ADGRA2: variants seen among roughly 807,000 people sequenced by gnomAD.
The protein encoded by ADGRA2 is adhesion G protein-coupled receptor A2.
ADGRA2 carries 61 observed loss-of-function variants against 98.7 expected under a neutral mutation model. The ratio of observed to expected loss-of-function variants is 0.62; its 90% confidence interval spans 0.50 to 0.76. The LOEUF (loss-of-function observed/expected upper bound fraction) is 0.76, where lower values mean the gene tolerates loss of function less well. Ranked by LOEUF, ADGRA2 falls within the 30% of genes least tolerant of loss-of-function variation. The pLI is 0.00. For synonymous variants in ADGRA2, 858 were observed against 831.5 expected (o/e 1.03, Z -0.55); for missense variants, 1,712 against 1,860.0 (o/e 0.92, Z 1.46).
chr8:37,834,093 G>T lies in ADGRA2; in HGVS notation c.1573G>T (p.Ala525Ser). 6.2e-7 allele frequency: 1 copy of T among 1,612,390 alleles called. No individual in the cohort carries two copies. Among genetic ancestry groups the T allele is most frequent in the Non-Finnish European group, 8.5e-7 (1 of 1,179,808 alleles). Residue 525 changes from alanine to serine, a missense_variant, in exon 11 of 19, where the codon GCC (alanine) becomes TCC (serine). Ala to Ser is a moderately conservative substitution (Grantham distance 99). Coordinates refer to ENST00000412232, the MANE Select transcript of ADGRA2 (RefSeq NM_032777.10). The surrounding 1 kb of genome is among the most constrained non-coding windows in gnomAD (Gnocchi z 4.2). ...IVGALERIGG[A>S]ALSPHAQHIS... ...GGGTGCCCTGGAGCGCATTGGGGGG[G>T]CCGCCCTCAGCCCCCATGCCCAGCA...
chr8:37,839,132 G>T (rs761834913), intron 15 of ADGRA2, 49 bp downstream of exon 15: 2 of 1,607,196 alleles, frequency 1.2e-6, no homozygotes, highest in African/African-American at 1.3e-5. Flanking sequence ...CATGGAAGGG[G>T]CCCCTACCCT....
Position 37,841,025 on chromosome 8 carries a change from G to GCCCCCCGCCCC in ADGRA2, c.2748-56_2748-55insCGCCCCCCCCC. 2 of 1,411,664 alleles carry GCCCCCCGCCCC rather than the reference G, an allele frequency of 1.4e-6. No individual in the cohort carries two copies. Among genetic ancestry groups the GCCCCCCGCCCC allele is most frequent in the Non-Finnish European group, 2.0e-6 (2 of 1,023,662 alleles). 87.4% of individuals were successfully genotyped at this position (1,411,664 alleles called of 1,614,324 possible). On this transcript the variant is annotated intron_variant, in intron 18 of 18. Transcript: ENST00000412232. The surrounding 1 kb of genome is among the most constrained non-coding windows in gnomAD (Gnocchi z 5.0). ...ATATCCTGTCTCCCCAACCACCCCG[G>GCCCCCCGCCCC]CCCCCAGCCCCACCCCAGCCATGCC... is the stretch of plus-strand genomic sequence containing the variant.
In ADGRA2 at chr8:37,841,707, C is replaced by T. The variant is rs1387112175; in HGVS notation, c.3369C>T (p.Gly1123=). Residue 1123 remains glycine, a synonymous_variant, in exon 19 of 19, where the codon GGC becomes GGT. Transcript: ENST00000412232. The surrounding 1 kb of genome is among the most constrained non-coding windows in gnomAD (Gnocchi z 5.0). ...CCTCCCTCAAGTCCTCCCCAAGCGG[C>T]AGCAGCGGCCATCCGCTGGCTCTGG... ...GPPSLKSSPS[G]SSGHPLALGP... The T allele has an allele frequency of 5.2e-6, 8 of 1,540,964 alleles. No individual in the cohort carries two copies. Among genetic ancestry groups the T allele is most frequent in the Non-Finnish European group, 7.0e-6 (8 of 1,143,626 alleles).
In ADGRA2 at chr8:37,797,612, G is replaced by A. The variant is rs1804371851; in HGVS notation, c.266+78G>A. On this transcript the variant is annotated intron_variant, in intron 1 of 18. Coordinates refer to ENST00000412232, the MANE Select transcript of ADGRA2 (RefSeq NM_032777.10). This position sits in a 1 kb window ranked among gnomAD's most constrained non-coding sequence, Gnocchi z 5.3. ...AGGCGAGACGGGAGGGGTGGGAGCA[G>A]GGGGAAGGGGGCTATCCCCCCACTT... The A allele has an allele frequency of 1.7e-6, 2 of 1,203,134 alleles. No homozygotes were observed. Among genetic ancestry groups the A allele is most frequent in the Non-Finnish European group, 1.1e-6 (1 of 936,504 alleles). 74.5% of individuals were successfully genotyped at this position (1,203,134 alleles called of 1,614,324 possible).
At chr8:37,805,047 A>C (rs1204325717) in intron 1 of ADGRA2, among the ~76,000 whole-genome samples, 3 of 152,210 alleles carry the variant, frequency 2.0e-5, no homozygotes, top group East Asian at 3.8e-4. Flanking sequence ...GAAAGGCTGT[A>C]CCGTGGAGCC....
intron 2 of ADGRA2, among the ~76,000 whole-genome samples, chr8:37,821,667 G>T (rs903990856): frequency 1.3e-5 from 2 of 152,238 alleles, no homozygotes; most frequent in African/African-American, 2.4e-5. Context: ...CAGCACATGG[G>T]TCTGTGTGGA....
rs749154139 is a variant in ADGRA2 at position 37,841,846 on chromosome 8, C to T, written c.3508C>T (p.His1170Tyr). ...EPAGTRGNLAHRHPNNVHHGR... is the reference protein window; with the variant it reads ...EPAGTRGNLAYRHPNNVHHGR... ...GGCGGGCACCCGGGGAAACCTCGCC[C>T]ACCGCCACCCCAACAACGTGCACCA... The change falls in exon 19 of 19, where the codon CAC becomes TAC. Residue 1170 changes from histidine to tyrosine, a missense_variant. By Grantham distance (83) the His-to-Tyr change is moderately conservative (BLOSUM62 2). Transcript: ENST00000412232. This position sits in a 1 kb window ranked among gnomAD's most constrained non-coding sequence, Gnocchi z 5.0. The T allele has an allele frequency of 8.5e-6, 13 of 1,532,060 alleles. No homozygotes were observed. The Middle Eastern group carries it at 6.4e-4, about 75-fold the overall frequency. 94.9% of individuals were successfully genotyped at this position (1,532,060 alleles called of 1,614,324 possible).
rs376559450 is a variant in ADGRA2, at chr8:37,814,999, G to A, written c.338+32G>A. 1.4e-5 allele frequency: 21 copies of A among 1,506,122 alleles called. No individual in the cohort carries two copies. The South Asian group carries it at 2.4e-4, about 17-fold the overall frequency. 93.3% of individuals were successfully genotyped at this position (1,506,122 alleles called of 1,614,324 possible). A position where few individuals can be genotyped will look rare whatever the true frequency, so the allele number is the denominator to read the frequency against. On this transcript the variant is annotated intron_variant, in intron 2 of 18. Coordinates refer to ENST00000412232, the MANE Select transcript of ADGRA2 (RefSeq NM_032777.10). This position sits in a 1 kb window ranked among gnomAD's most constrained non-coding sequence, Gnocchi z 4.3. ...GCTGGGGAAGGTGAGGTGGAGGAGG[G>A]GGGTGGCCGTGATGGCAAGAGGTCA...
At chr8:37,839,916 C>T (rs1805739764) in intron 16 of ADGRA2, among the ~76,000 whole-genome samples, 1 of 152,102 alleles carries the variant, frequency 6.6e-6, no homozygotes, top group Admixed American at 6.5e-5. Context: ...CATGGGAAGC[C>T]CTGCAATGGG....
chr8:37,815,125 A>T (rs969068013), intron 2 of ADGRA2, among the ~76,000 whole-genome samples, 158 bp downstream of exon 2: 2 of 152,178 alleles, frequency 1.3e-5, no homozygotes, highest in African/African-American at 4.8e-5. Flanking sequence ...CCAGGGCTTG[A>T]CCAACAAGGA....
At position 37,826,341 on chromosome 8, in the gene ADGRA2, G is replaced by A. The variant is rs552863830; in HGVS notation, c.339-2547G>A. On this transcript the variant is annotated intron_variant, in intron 2 of 18. Transcript: ENST00000412232. ...TGGGGTCTGGCGGCAAAACGGTGGGGGCTGGGCCAGAGGGGCACCCCTGGC... is the reference window on the plus strand; with the variant it reads ...TGGGGTCTGGCGGCAAAACGGTGGGAGCTGGGCCAGAGGGGCACCCCTGGC... Among the ~76,000 whole-genome samples, 119 of 152,262 alleles carry A rather than the reference G, an allele frequency of 7.8e-4. 1 individual carries two copies. Among genetic ancestry groups the A allele is most frequent in the South Asian group, 4.1e-3 (20 of 4,832 alleles).
rs1805416830 is a variant in ADGRA2 at position 37,830,354 on chromosome 8, G to T, written c.718+340G>T. On this transcript the variant is annotated intron_variant, in intron 6 of 18. Coordinates refer to ENST00000412232, the MANE Select transcript of ADGRA2 (RefSeq NM_032777.10). The surrounding 1 kb of genome is among the most constrained non-coding windows in gnomAD (Gnocchi z 4.8). ...TATTCTCCCTACTCCGCCTATGACT[G>T]TGTGCTGGGCGTGTCCTCCAGGGCA... 6.6e-6 allele frequency among the ~76,000 whole-genome samples: 1 copy of T among 152,176 alleles called. No homozygotes were observed. The highest frequency in any genetic ancestry group is 2.1e-4 in the South Asian group (1 of 4,826).
In ADGRA2 at chr8:37,797,146, GC is replaced by G. The variant is rs1804349657; in HGVS notation, c.-117del. 5 of 715,664 alleles carry G rather than the reference GC, an allele frequency of 7.0e-6. No homozygotes were observed. The highest frequency in any genetic ancestry group is 9.3e-6 in the Non-Finnish European group (5 of 539,184). The allele number at this position is 715,664 out of a possible 1,614,324, so 44.3% of individuals were successfully genotyped here. A position where few individuals can be genotyped will look rare whatever the true frequency, so the allele number is the denominator to read the frequency against. The stretch of plus-strand genomic sequence containing the variant: ...ACCCCGGGGCTCGCCTCCGCCCAGG[GC>G]CCCCCTCCACGCCCTCGGGAGCCCC... On this transcript the variant is annotated 5_prime_UTR_variant, in exon 1 of 19. An upstream open reading frame in the 5' UTR loses its in-frame stop. Transcript: ENST00000412232. The surrounding 1 kb of genome is among the most constrained non-coding windows in gnomAD (Gnocchi z 5.3).
rs1383817934 is a variant in ADGRA2 at position 37,834,703 on chromosome 8, G to A, written c.1609-471G>A. ...AAGGCCAGGAGTTGGAGACCAGCCT[G>A]GGCAACAGAGAGACCTGGTCTCCAC... On this transcript the variant is annotated intron_variant, in intron 11 of 18. Coordinates refer to ENST00000412232, the MANE Select transcript of ADGRA2 (RefSeq NM_032777.10). The surrounding 1 kb of genome is among the most constrained non-coding windows in gnomAD (Gnocchi z 4.2). Among the ~76,000 whole-genome samples, 1 of 152,078 alleles carries A rather than the reference G, an allele frequency of 6.6e-6. No individual in the cohort carries two copies. The highest frequency in any genetic ancestry group is 1.9e-4 in the East Asian group (1 of 5,156).
rs1031733832 is a variant in ADGRA2 at position 37,842,174 on chromosome 8, G to C, written c.3836G>C (p.Ser1279Thr). 12 of 1,535,232 alleles carry C rather than the reference G, an allele frequency of 7.8e-6. No individual in the cohort carries two copies. Among genetic ancestry groups the C allele is most frequent in the Non-Finnish European group, 1.1e-5 (12 of 1,142,806 alleles). The change falls in exon 19 of 19, where the codon AGT becomes ACT. Residue 1279 changes from serine (S) to threonine (T), a missense_variant. Transcript: ENST00000412232. ...CAGCGCCGCAGCGCCAGCCGCGACA[G>C]TCTCAAGGGCGGCGGCGCGCTGGAG... is the stretch of plus-strand genomic sequence containing the variant. ...AGQRRSASRD[S>T]LKGGGALEKE... is the part of the protein sequence containing the mutation.
intron 1 of ADGRA2, among the ~76,000 whole-genome samples, chr8:37,801,237 C>T (rs986210069): frequency 2.0e-5 from 3 of 152,230 alleles, no homozygotes; most frequent in Non-Finnish European, 2.9e-5. Context: ...GATTTTCATT[C>T]GCAGTTTTCC....
intron 1 of ADGRA2, among the ~76,000 whole-genome samples, chr8:37,811,792 T>A (rs1804839683): frequency 1.3e-5 from 2 of 151,544 alleles, no homozygotes; most frequent in Non-Finnish European, 2.9e-5. Flanking sequence ...TTAAACTTTT[T>A]AAATGTGGCT....
chr8:37,842,309 G>A lies in ADGRA2; in HGVS notation c.3971G>A (p.Gly1324Asp). ...VTLMGAEVAS[G>D]GCMKTGLWKS... ...CTGATGGGCGCGGAGGTAGCCAGCG[G>A]CGGCTGCATGAAGACCGGACTCTGG... is the stretch of plus-strand genomic sequence containing the variant. Residue 1324 changes from glycine (G) to aspartate (D), a missense_variant, in exon 19 of 19, where the codon GGC becomes GAC. Transcript: ENST00000412232. The A allele has an allele frequency of 1.3e-6, 2 of 1,544,312 alleles. No homozygotes were observed. The highest frequency in any genetic ancestry group is 1.7e-6 in the Non-Finnish European group (2 of 1,151,112).
At chr8:37,833,620 G>C (rs1388243184) in intron 9 of ADGRA2, 68 bp from the exon 10 acceptor site, 38 of 1,528,660 alleles carry the variant, frequency 2.5e-5, no homozygotes, top group Non-Finnish European at 2.8e-5. Flanking sequence ...AGAGCAGAGG[G>C]TCCCCAGGGG....
Sources: allele counts gnomAD v4.1 joint callset (sites outside exome capture counted in the v4.1 genomes callset), GRCh38; gene constraint gnomAD v4.1.1; non-coding constraint Gnocchi (gnomAD v3.1); transcripts MANE v1.5; gene names NCBI Gene and HGNC (gene_info 2026-07-23, HGNC 2026-07-21).